The following HNF1A variants were observed in gnomAD, a reference collection of about 807,000 sequenced individuals.
The protein encoded by HNF1A is hepatocyte nuclear factor 1-alpha.
In HNF1A, 21 loss-of-function variants were observed where a neutral mutation model predicts 62.2. The observed-to-expected ratio is 0.34, with a 90% confidence interval of 0.24 to 0.49. HNF1A has a LOEUF of 0.49. Among genes scored for constraint, HNF1A ranks in the 20% least tolerant of loss-of-function variants. HNF1A has a pLI of 0.99. For synonymous variants in HNF1A, 374 were observed against 366.8 expected, an observed-to-expected ratio of 1.02 and a Z score of -0.22; for missense variants, 687 against 832.3, an observed-to-expected ratio of 0.83 and a Z score of 2.15.
intron 1 of HNF1A, among the ~76,000 whole-genome samples, chr12:120,982,797 C>T (rs549550354): frequency 6.6e-6 from 1 of 152,322 alleles, no homozygotes; most frequent in Admixed American, 6.5e-5. Flanking sequence ...CCTCCTACCT[C>T]ACGCTCCATA....
rs779757872 is a variant in HNF1A at position 120,996,492 on chromosome 12, C to T, written c.1108-49C>T. The T allele has an allele frequency of 2.5e-6, 4 of 1,613,086 alleles. No homozygotes were observed. The highest frequency in any genetic ancestry group is 3.4e-6 in the Non-Finnish European group (4 of 1,179,722). The stretch of plus-strand genomic sequence containing the variant: ...GATTCTGGAGCAGTCCCTAGGGAGG[C>T]CCTGTGGGGACCCCGGCCCCCCGGA... On this transcript the variant is annotated intron_variant, in intron 5 of 9. Coordinates refer to ENST00000257555, the MANE Select transcript of HNF1A (RefSeq NM_000545.8). This position sits in a 1 kb window ranked among gnomAD's most constrained non-coding sequence, Gnocchi z 4.5.
At chr12:120,990,713 GA>G (rs1280681185) in intron 2 of HNF1A, among the ~76,000 whole-genome samples, 1 of 149,272 alleles carries the variant, frequency 6.7e-6, no homozygotes, top group East Asian at 1.9e-4. Context: ...AGAAAAGAAA[GA>G]AAAAGAACGA....
Position 120,996,521 on chromosome 12 carries a change from AGCTTGG to A in HNF1A, c.1108-19_1108-14del. 6.2e-7 allele frequency: 1 copy of A among 1,613,346 alleles called. No homozygotes were observed. The highest frequency in any genetic ancestry group is 8.5e-7 in the Non-Finnish European group (1 of 1,179,842). ...GTGGGGACCCCGGCCCCCCGGACAC[AGCTTGG>A]CTTCCCCTCGTAGGTCTCAGCAGCT... On this transcript the variant is annotated splice_polypyrimidine_tract_variant and intron_variant, in intron 5 of 9. Coordinates refer to ENST00000257555, the MANE Select transcript of HNF1A (RefSeq NM_000545.8). This position sits in a 1 kb window ranked among gnomAD's most constrained non-coding sequence, Gnocchi z 4.5.
Position 120,994,221 on chromosome 12 carries a change from C to T in HNF1A, c.771C>T (p.Asn257=), listed in dbSNP as rs753148506. The T allele has an allele frequency of 6.2e-7, 1 of 1,613,646 alleles. No homozygotes were observed. ...CACAGGCACAGGGGCTGGGCTCCAA[C>T]CTCGTCACGGAGGTGCGTGTCTACA... ...SPSQAQGLGS[N]LVTEVRVYNW... is the part of the protein sequence containing the mutation. The change falls in exon 4 of 10, where the codon AAC becomes AAT. Residue 257 remains asparagine, a synonymous_variant. Coordinates refer to ENST00000257555, the MANE Select transcript of HNF1A (RefSeq NM_000545.8).
At chr12:120,983,981 G>C (rs1414673617) in intron 1 of HNF1A, among the ~76,000 whole-genome samples, 1 of 137,166 alleles carries the variant, frequency 7.3e-6, no homozygotes, top group Non-Finnish European at 1.6e-5. Context: ...AGACAGAAGA[G>C]AGAGAGTGAT....
intron 1 of HNF1A, among the ~76,000 whole-genome samples, chr12:120,982,333 G>T (rs925079886): frequency 3.3e-5 from 5 of 152,106 alleles, no homozygotes; most frequent in African/African-American, 1.2e-4. Context: ...GCCTCCCAAA[G>T]TGCTGGGATT....
chr12:120,999,919 T>G lies in HNF1A; in HGVS notation c.1768+292T>G, dbSNP rs56012887. Among the ~76,000 whole-genome samples the G allele has an allele frequency of 3.1e-3, 470 of 152,296 alleles. 1 individual carries two copies. The highest frequency in any genetic ancestry group is 0.011 in the African/African-American group (437 of 41,568). The stretch of plus-strand genomic sequence containing the variant: ...GTGGAGAGTAACGATAAGGACCAGG[T>G]CTGTGAGCCAGAAGCGACTCTTGCA... On this transcript the variant is annotated intron_variant, in intron 9 of 9. Transcript: ENST00000257555.
At chr12:120,997,143 A>G in intron 6 of HNF1A, 1 of 1,403,464 alleles carries the variant, frequency 7.1e-7, no homozygotes. Context: ...AGGAGCTGCT[A>G]GGAGAGGGGA....
rs750593743 is a variant in HNF1A, at chr12:121,002,065, T to C, written c.*873T>C. 3.7e-6 allele frequency: 2 copies of C among 536,600 alleles called. No homozygotes were observed. The highest frequency in any genetic ancestry group is 3.1e-5 in the South Asian group (2 of 65,226). 33.2% of individuals were successfully genotyped at this position (536,600 alleles called of 1,614,324 possible). Reference sequence around the variant, plus strand: ...GGCAGCTCCTCTGTCTCGAGCGCCCTGCAGACCCTGCCCTTGTTTGGGGCA... The same window carrying C: ...GGCAGCTCCTCTGTCTCGAGCGCCCCGCAGACCCTGCCCTTGTTTGGGGCA... On this transcript the variant is annotated 3_prime_UTR_variant, in exon 10 of 10. Transcript: ENST00000257555.
At chr12:120,981,400 G>A (rs1360974064) in intron 1 of HNF1A, among the ~76,000 whole-genome samples, 1 of 152,210 alleles carries the variant, frequency 6.6e-6, no homozygotes, top group Non-Finnish European at 1.5e-5. Flanking sequence ...CCTTGGGAAA[G>A]TCTGTTCCTC....
intron 2 of HNF1A, 109 bp downstream of exon 2, chr12:120,989,141 T>C: frequency 1.1e-5 from 12 of 1,080,344 alleles, no homozygotes; most frequent in Admixed American, 2.0e-5. Flanking sequence ...GACAGGTAGA[T>C]GGAAAGGAAG....
In HNF1A at chr12:120,988,989, C is replaced by A; in HGVS notation, c.483C>A (p.Ala161=). Residue 161 remains alanine (A), a synonymous_variant, in exon 2 of 10, where the codon GCC becomes GCA. Coordinates refer to ENST00000257555, the MANE Select transcript of HNF1A (RefSeq NM_000545.8). ...CCATGAAGACGCAGAAGCGGGCCGC[C>A]CTGTACACCTGGTACGTCCGCAAGC... ...GTPMKTQKRA[A]LYTWYVRKQR... 1 of 1,614,232 alleles carries A rather than the reference C, an allele frequency of 6.2e-7. No individual in the cohort carries two copies. The highest frequency in any genetic ancestry group is 1.6e-4 in the Middle Eastern group (1 of 6,062).
In HNF1A at chr12:120,994,400, T is replaced by C; in HGVS notation, c.950T>C (p.Val317Ala). The C allele has an allele frequency of 6.3e-7, 1 of 1,589,062 alleles. No individual in the cohort carries two copies. The highest frequency in any genetic ancestry group is 8.6e-7 in the Non-Finnish European group (1 of 1,167,156). The change falls in exon 4 of 10, where the codon GTC becomes GCC. Residue 317 changes from valine to alanine, a missense_variant. Coordinates refer to ENST00000257555, the MANE Select transcript of HNF1A (RefSeq NM_000545.8). Reference sequence around the variant, plus strand: ...CCACCTGCCCTCTCCCCCAGTAAGGTCCACGGTAAGTGGTATGTGGGGACA... The same window carrying C: ...CCACCTGCCCTCTCCCCCAGTAAGGCCCACGGTAAGTGGTATGTGGGGACA... The part of the protein sequence containing the change: ...LPPPALSPSK[V>A]HGVRYGQPAT...
chr12:120,991,393 A>C (rs918075594), intron 2 of HNF1A, among the ~76,000 whole-genome samples: 6 of 152,258 alleles, frequency 3.9e-5, no homozygotes, highest in Non-Finnish European at 8.8e-5. Context: ...CAGGAGTCTG[A>C]GACCAGCCTG....
intron 3 of HNF1A, among the ~76,000 whole-genome samples, 171 bp downstream of exon 3, chr12:120,993,877 G>A (rs1040634109): frequency 3.9e-5 from 6 of 152,060 alleles, no homozygotes; most frequent in Admixed American, 1.3e-4. Context: ...CCCATTCCTC[G>A]CAGCCCCCCT....
chr12:120,986,460 C>T (rs987728778), intron 1 of HNF1A, among the ~76,000 whole-genome samples: 4 of 152,220 alleles, frequency 2.6e-5, no homozygotes, highest in Admixed American at 6.5e-5. Context: ...ATTCTAGAAG[C>T]GAATTGCTCA....
At chr12:120,994,105 G>A (rs1876961672) in intron 3 of HNF1A, 59 bp from the exon 4 acceptor site, 9 of 1,588,898 alleles carry the variant, frequency 5.7e-6, no homozygotes, top group Non-Finnish European at 7.7e-6. Flanking sequence ...TCCCCTTCAT[G>A]CCCAGGACAG....
chr12:121,000,926 G>A (rs1592900357), intron 9 of HNF1A, 139 bp from the exon 10 acceptor site: 2 of 1,225,134 alleles, frequency 1.6e-6, no homozygotes, highest in East Asian at 2.4e-5. Context: ...GGGTAGAGGT[G>A]TGACTTTGGG....
chr12:120,981,285 C>G (rs1041269878), intron 1 of HNF1A, among the ~76,000 whole-genome samples: 1 of 152,156 alleles, frequency 6.6e-6, no homozygotes, highest in Non-Finnish European at 1.5e-5. Context: ...GGGAAGAAGC[C>G]GGGGTGGGTC....
Sources: allele counts gnomAD v4.1 joint callset (sites outside exome capture counted in the v4.1 genomes callset), GRCh38; gene constraint gnomAD v4.1.1; non-coding constraint Gnocchi (gnomAD v3.1); transcripts MANE v1.5; gene names NCBI Gene and HGNC (gene_info 2026-07-23, HGNC 2026-07-21).